The following ITGA8 variants were observed in gnomAD, a reference collection of about 807,000 sequenced individuals.
ITGA8 encodes integrin subunit alpha 8, also known as integrin alpha-8.
Under a neutral mutation model 142.3 loss-of-function variants are expected in ITGA8, and 91 were observed. That is an observed-to-expected ratio of 0.64 (90% CI 0.54 to 0.76). The LOEUF is 0.76. Ranked by LOEUF, ITGA8 falls within the 30% of genes least tolerant of loss-of-function variation. The pLI is 0.00. For synonymous variants in ITGA8, 505 were observed against 485.2 expected (o/e 1.04, Z -0.54); for missense variants, 1,406 against 1,327.7 (o/e 1.06, Z -0.92).
chr10:15,553,704 TA>T (rs1833834558), intron 26 of ITGA8, among the ~76,000 whole-genome samples: 1 of 152,082 alleles, frequency 6.6e-6, no homozygotes, highest in Admixed American at 6.5e-5. Context: ...TGGCTATGAC[TA>T]AAAAAAGTTA....
chr10:15,666,659 C>G (rs1413432991), intron 8 of ITGA8, among the ~76,000 whole-genome samples: 1 of 152,008 alleles, frequency 6.6e-6, no homozygotes, highest in Non-Finnish European at 1.5e-5. Flanking sequence ...GTGGGTTTGT[C>G]ATAGATAGCT....
chr10:15,542,207 A>G (rs1052033090), intron 27 of ITGA8, among the ~76,000 whole-genome samples: 1 of 152,220 alleles, frequency 6.6e-6, no homozygotes, highest in African/African-American at 2.4e-5. Context: ...GTATGATCGA[A>G]TCTTGCAATT....
Position 15,586,394 on chromosome 10 carries a change from A to G in ITGA8, c.2372+190T>C, listed in dbSNP as rs1014880112. On this transcript the variant is annotated intron_variant, in intron 23 of 29. Transcript: ENST00000378076. ...TCTTGTTTTGATATTCTTGGAGTTA[A>G]TTGTTATTTAGGGTTTACTCTGCTT... Among the ~76,000 whole-genome samples the G allele has an allele frequency of 7.9e-5, 12 of 151,964 alleles. 1 individual carries two copies. The highest frequency in any genetic ancestry group is 2.9e-5 in the Non-Finnish European group (2 of 67,978).
intron 13 of ITGA8, among the ~76,000 whole-genome samples, chr10:15,637,221 C>T (rs567209645): frequency 6.6e-6 from 1 of 152,350 alleles, no homozygotes; most frequent in East Asian, 1.9e-4. Flanking sequence ...TGTGGCTCCA[C>T]ATGACTGTCA....
Position 15,581,196 on chromosome 10 carries a change from T to A in ITGA8, c.2372+5388A>T, listed in dbSNP as rs376666911. ...TTTGGTCACATCATATCAATCAACTTGGAGACTGAGATCAATTACATGGGC... is the reference window on the plus strand; with the variant it reads ...TTTGGTCACATCATATCAATCAACTAGGAGACTGAGATCAATTACATGGGC... On this transcript the variant is annotated intron_variant, in intron 23 of 29. Transcript: ENST00000378076. Among the ~76,000 whole-genome samples, 37 of 152,262 alleles carry A rather than the reference T, an allele frequency of 2.4e-4. No homozygotes were observed. In the East Asian group the frequency reaches 6.4e-3, roughly 26 times the overall value.
intron 26 of ITGA8, among the ~76,000 whole-genome samples, chr10:15,554,285 C>T (rs536082034): frequency 5.9e-5 from 9 of 152,238 alleles, no homozygotes; most frequent in East Asian, 1.9e-4. Context: ...TAACTCCGAC[C>T]GGGACCCCCT....
chr10:15,631,910 T>C (rs1833692676), intron 13 of ITGA8, among the ~76,000 whole-genome samples: 1 of 151,926 alleles, frequency 6.6e-6, no homozygotes, highest in Admixed American at 6.6e-5. Context: ...ACCCAGTCTC[T>C]GATTATTTGG....
intron 19 of ITGA8, 77 bp from the exon 20 acceptor site, chr10:15,604,432 G>C (rs751106458): frequency 2.5e-5 from 32 of 1,259,362 alleles, no homozygotes; most frequent in Non-Finnish European, 3.4e-5. Context: ...AGGATTTATA[G>C]AGGAGGAAAA....
chr10:15,553,251 T>C (rs1388055745), intron 26 of ITGA8, among the ~76,000 whole-genome samples: 4 of 150,786 alleles, frequency 2.7e-5, no homozygotes, highest in African/African-American at 9.7e-5. Context: ...AACGAGACTC[T>C]ATCTCAAGAA....
intron 4 of ITGA8, among the ~76,000 whole-genome samples, chr10:15,682,034 T>C (rs1433063706): frequency 6.6e-6 from 1 of 152,172 alleles, no homozygotes; most frequent in African/African-American, 2.4e-5. Flanking sequence ...CTCATGTTGG[T>C]TGTTGCCTGA....
rs376975114 is a variant in ITGA8 at position 15,678,141 on chromosome 10, C to T, written c.631-504G>A. Reference sequence around the variant, plus strand: ...CTCATGAATTGACATCCTCACCTTTCGTGCCTCATATCTTTAACTCTCAGT... The same window carrying T: ...CTCATGAATTGACATCCTCACCTTTTGTGCCTCATATCTTTAACTCTCAGT... On this transcript the variant is annotated intron_variant, in intron 5 of 29. Transcript: ENST00000378076. Among the ~76,000 whole-genome samples the T allele has an allele frequency of 5.8e-4, 88 of 152,140 alleles. 1 individual carries two copies. The highest frequency in any genetic ancestry group is 4.8e-3 in the East Asian group (25 of 5,176).
intron 11 of ITGA8, among the ~76,000 whole-genome samples, chr10:15,650,688 A>G (rs1054906426): frequency 1.6e-4 from 25 of 152,330 alleles, no homozygotes; most frequent in African/African-American, 5.8e-4. Flanking sequence ...AGGCTAAGCC[A>G]TGTATTGCTT....
At chr10:15,532,179 G>A (rs185127799) in intron 27 of ITGA8, among the ~76,000 whole-genome samples, 26 of 151,994 alleles carry the variant, frequency 1.7e-4, no homozygotes, top group East Asian at 7.8e-4. Flanking sequence ...CAGCACTTTC[G>A]GAGGCCAAGG....
At chr10:15,554,738 TC>T (rs1833858284) in intron 26 of ITGA8, among the ~76,000 whole-genome samples, 1 of 151,824 alleles carries the variant, frequency 6.6e-6, no homozygotes, top group African/African-American at 2.4e-5. Context: ...TTTCTTTCTT[TC>T]TTTCTTTCTT....
intron 25 of ITGA8, among the ~76,000 whole-genome samples, chr10:15,558,500 A>G (rs959792985): frequency 6.6e-6 from 1 of 152,178 alleles, no homozygotes; most frequent in Admixed American, 6.5e-5. Flanking sequence ...GATAGAAAAC[A>G]TGCAAGTGAC....
chr10:15,674,379 T>C (rs1834586973), intron 6 of ITGA8, among the ~76,000 whole-genome samples: 1 of 152,366 alleles, frequency 6.6e-6, no homozygotes, highest in Non-Finnish European at 1.5e-5. Flanking sequence ...CTATATGCCA[T>C]TGCTATGGCA....
intron 23 of ITGA8, among the ~76,000 whole-genome samples, chr10:15,579,911 A>C (rs1834374064): frequency 6.6e-6 from 1 of 151,838 alleles, no homozygotes; most frequent in Non-Finnish European, 1.5e-5. Context: ...ATACAAAAAA[A>C]GATCTCCAGT....
intron 9 of ITGA8, among the ~76,000 whole-genome samples, chr10:15,659,629 A>G (rs760210929): frequency 6.6e-6 from 1 of 152,186 alleles, no homozygotes; most frequent in Non-Finnish European, 1.5e-5. Context: ...TTTCATATCT[A>G]CCCAGAACAT....
Position 15,597,231 on chromosome 10 carries a change from C to G in ITGA8, c.2187G>C (p.Gly729=). The G allele has an allele frequency of 6.2e-7, 1 of 1,613,910 alleles. No homozygotes were observed. The highest frequency in any genetic ancestry group is 1.1e-5 in the South Asian group (1 of 91,066). Residue 729 remains glycine, a synonymous_variant, in exon 21 of 30, where the codon GGG becomes GGC. Transcript: ENST00000378076. ...NVTRMVVCDL[G]NPMVSGTNYS... is the part of the protein sequence containing the mutation. Reference sequence around the variant, plus strand: ...CATTTGTTCCAGACACCATAGGGTTCCCAAGGTCACACACCACCATCCTGG... The same window carrying G: ...CATTTGTTCCAGACACCATAGGGTTGCCAAGGTCACACACCACCATCCTGG...
Sources: gnomAD v4.1 joint callset for allele counts (sites outside exome capture counted in the v4.1 genomes callset) on GRCh38, gnomAD v4.1.1 for gene constraint, MANE v1.5 for transcripts, NCBI Gene and HGNC (gene_info 2026-07-23, HGNC 2026-07-21) for gene names.